Variants in MYH14 observed in about 807,000 individuals in gnomAD.
MYH14 encodes the protein myosin-14.
A neutral mutation model predicts 255.5 loss-of-function variants in MYH14; 123 were observed. That is an observed-to-expected ratio of 0.48 (90% CI 0.42 to 0.56). The LOEUF is 0.56. Ranked by LOEUF, MYH14 falls within the 20% of genes least tolerant of loss-of-function variation. MYH14 has a pLI of 0.00. For missense variants in MYH14, 2,423 were observed against 2,802.3 expected, an observed-to-expected ratio of 0.86 and a Z score of 3.06; for synonymous variants, 1,095 against 1,161.2, an observed-to-expected ratio of 0.94 and a Z score of 1.16.
chr19:50,217,889 G>A, intron 3 of MYH14, 118 bp downstream of exon 3: 1 of 1,263,754 alleles, frequency 7.9e-7, no homozygotes, highest in South Asian at 1.4e-5. Flanking sequence ...ACTCTGTAGG[G>A]CTTCTTAGGG....
chr19:50,272,510 G>C (rs775625850), intron 26 of MYH14, 50 bp from the exon 27 acceptor site: 57 of 1,545,628 alleles, frequency 3.7e-5, no homozygotes, highest in Non-Finnish European at 4.3e-5. Flanking sequence ...GAGAGCGGCT[G>C]AGTGTGCAGG....
chr19:50,243,585 G>A (rs1199498345), intron 10 of MYH14, among the ~76,000 whole-genome samples: 1 of 152,202 alleles, frequency 6.6e-6, no homozygotes, highest in African/African-American at 2.4e-5. Flanking sequence ...CTATGATCGT[G>A]CCACTGCATA....
intron 2 of MYH14, among the ~76,000 whole-genome samples, chr19:50,214,470 C>G (rs574571689): frequency 6.6e-6 from 1 of 152,112 alleles, no homozygotes; most frequent in East Asian, 1.9e-4. Flanking sequence ...TTCCTGGGAC[C>G]CTTGGGGCAG....
At chr19:50,208,913 G>C (rs1484516625) in intron 1 of MYH14, among the ~76,000 whole-genome samples, 1 of 151,962 alleles carries the variant, frequency 6.6e-6, no homozygotes, top group Admixed American at 6.6e-5. Context: ...CAGTACTTTG[G>C]GGAGCCAAGG....
intron 40 of MYH14, among the ~76,000 whole-genome samples, chr19:50,303,328 A>G (rs1163880205): frequency 2.0e-5 from 3 of 152,050 alleles, no homozygotes; most frequent in African/African-American, 4.8e-5. Context: ...TAGGACAACT[A>G]AGCTAACTTG....
chr19:50,237,589 A>G (rs918285450), intron 10 of MYH14, among the ~76,000 whole-genome samples: 6 of 152,104 alleles, frequency 3.9e-5, no homozygotes, highest in Admixed American at 1.3e-4. Flanking sequence ...CCGCCTCCCA[A>G]AATGCTGGGA....
At chr19:50,249,283 G>C in intron 13 of MYH14, 144 bp downstream of exon 13, 1 of 974,864 alleles carries the variant, frequency 1.0e-6, no homozygotes, top group Non-Finnish European at 1.5e-6. Flanking sequence ...TCTGGTCTCT[G>C]TCCCCCTCTC....
At chr19:50,225,503 T>C in intron 6 of MYH14, 82 bp from the exon 7 acceptor site, 3 of 1,062,516 alleles carry the variant, frequency 2.8e-6, no homozygotes, top group Non-Finnish European at 2.8e-6. Context: ...CTCAGTCAGC[T>C]GGAGACACAG....
intron 11 of MYH14, among the ~76,000 whole-genome samples, chr19:50,245,385 A>C (rs1158970831): frequency 6.8e-6 from 1 of 147,732 alleles, no homozygotes; most frequent in African/African-American, 2.5e-5. Context: ...GTGCCGCTGC[A>C]CTCCAGCCTG....
chr19:50,234,056 GT>G (rs1175804099), intron 10 of MYH14, among the ~76,000 whole-genome samples: 1 of 152,000 alleles, frequency 6.6e-6, no homozygotes, highest in Admixed American at 6.6e-5. Context: ...CTGACTTCAA[GT>G]GATCCTCCCG....
chr19:50,240,959 G>A (rs1050492406), intron 10 of MYH14, among the ~76,000 whole-genome samples: 1 of 152,172 alleles, frequency 6.6e-6, no homozygotes, highest in Non-Finnish European at 1.5e-5. Context: ...AGAAGGACCT[G>A]CCTTGTTCAG....
chr19:50,239,437 G>C lies in MYH14; in HGVS notation c.1115-4805G>C, dbSNP rs147815453. On this transcript the variant is annotated intron_variant, in intron 10 of 42. Coordinates refer to ENST00000642316, the MANE Select transcript of MYH14 (RefSeq NM_001145809.2). ...CACTTGGGAAGATTACAGACTGGTT[G>C]TTTCATCTGTATCTGGGTCTGTTTC... 4.1e-3 allele frequency among the ~76,000 whole-genome samples: 631 copies of C among 152,308 alleles called. 5 individuals carry two copies. Among genetic ancestry groups the C allele is most frequent in the African/African-American group, 0.014 (600 of 41,564 alleles).
chr19:50,264,068 A>AG (rs1555769759), intron 22 of MYH14, among the ~76,000 whole-genome samples: 2 of 59,678 alleles, frequency 3.4e-5, no homozygotes, highest in African/African-American at 5.5e-5. Context: ...AAAAAAAAAA[A>AG]AAAAAAAAGA....
chr19:50,292,245 A>G lies in MYH14; in HGVS notation c.5128-16A>G, dbSNP rs2123453721. On this transcript the variant is annotated splice_polypyrimidine_tract_variant and intron_variant, in intron 36 of 42. Coordinates refer to ENST00000642316, the MANE Select transcript of MYH14 (RefSeq NM_001145809.2). The stretch of plus-strand genomic sequence containing the variant: ...GTGGCCAGGCTGAGCCCATCTACCT[A>G]TTCCGTTCCACCCAGGCCCAGATGA... 2 of 1,597,502 alleles carry G rather than the reference A, an allele frequency of 1.3e-6. No individual in the cohort carries two copies. Among genetic ancestry groups the G allele is most frequent in the Non-Finnish European group, 1.7e-6 (2 of 1,172,694 alleles).
chr19:50,309,983 G>A lies in MYH14; in HGVS notation c.*193G>A. On this transcript the variant is annotated 3_prime_UTR_variant, in exon 43 of 43. Coordinates refer to ENST00000642316, the MANE Select transcript of MYH14 (RefSeq NM_001145809.2). Reference sequence around the variant, plus strand: ...CAAAGGATGACCCCTAAACACAGAGGAGCGGGGCAGGCAGGGAGGCAATGA... The same window carrying A: ...CAAAGGATGACCCCTAAACACAGAGAAGCGGGGCAGGCAGGGAGGCAATGA... The A allele has an allele frequency of 4.4e-6, 3 of 682,460 alleles. No individual in the cohort carries two copies. The highest frequency in any genetic ancestry group is 1.7e-5 in the South Asian group (1 of 59,080). The allele number at this position is 682,460 out of a possible 1,614,324, so 42.3% of individuals were successfully genotyped here. A position where few individuals can be genotyped will look rare whatever the true frequency, so the allele number is the denominator to read the frequency against.
chr19:50,297,281 G>T (rs2036302953), intron 39 of MYH14, among the ~76,000 whole-genome samples: 1 of 151,954 alleles, frequency 6.6e-6, no homozygotes, highest in Non-Finnish European at 1.5e-5. Flanking sequence ...ACCGCGCCCG[G>T]CCAGGAATGT....
intron 36 of MYH14, among the ~76,000 whole-genome samples, chr19:50,291,408 C>A (rs1046656282): frequency 3.3e-5 from 5 of 151,756 alleles, no homozygotes; most frequent in Non-Finnish European, 7.4e-5. Context: ...TCAAGCAGTT[C>A]TCCTGCCTCA....
chr19:50,300,401 A>AT (rs202212503), intron 39 of MYH14, among the ~76,000 whole-genome samples: 6 of 152,032 alleles, frequency 3.9e-5, no homozygotes, highest in South Asian at 2.1e-4. Context: ...TTTATTACTG[A>AT]TTTTTTTTAT....
Position 50,232,077 on chromosome 19 carries a change from G to T in MYH14, c.1114+7G>T. 6.2e-7 allele frequency: 1 copy of T among 1,610,606 alleles called. No individual in the cohort carries two copies. The highest frequency in any genetic ancestry group is 1.1e-5 in the South Asian group (1 of 91,088). On this transcript the variant is annotated splice_region_variant and intron_variant, in intron 10 of 42. Transcript: ENST00000642316. ...AGCCACGAGGAAATCATCTGTGAGT[G>T]AGCCCCGTGGAGGCCAGGGGTAGGG...
Sources: gnomAD v4.1 joint callset for allele counts (sites outside exome capture counted in the v4.1 genomes callset) on GRCh38, gnomAD v4.1.1 for gene constraint, MANE v1.5 for transcripts, NCBI Gene and HGNC (gene_info 2026-07-23, HGNC 2026-07-21) for gene names.